The following PCDH15 variants were observed in gnomAD, a reference collection of about 807,000 sequenced individuals.
PCDH15 encodes the protein protocadherin-15.
PCDH15 carries 129 observed loss-of-function variants against 178.5 expected under a neutral mutation model. That is an observed-to-expected ratio of 0.72 (90% CI 0.63 to 0.84). The LOEUF (loss-of-function observed/expected upper bound fraction) is 0.84. Ranked by LOEUF, PCDH15 falls within the 40% of genes least tolerant of loss-of-function variation. The pLI is 0.00. For synonymous variants in PCDH15, 800 were observed against 732.0 expected, an observed-to-expected ratio of 1.09 and a Z score of -1.50; for missense variants, 2,230 against 2,099.9, an observed-to-expected ratio of 1.06 and a Z score of -1.21.
intron 28 of PCDH15, among the ~76,000 whole-genome samples, chr10:53,846,971 T>C (rs2078016962): frequency 6.6e-6 from 1 of 152,036 alleles, no homozygotes; most frequent in Non-Finnish European, 1.5e-5. Context: ...GTTTGCCTCC[T>C]AAGAGGCAGT....
At chr10:55,578,141 A>G (rs1217569461) in intron 2 of PCDH15, among the ~76,000 whole-genome samples, 1 of 152,108 alleles carries the variant, frequency 6.6e-6, no homozygotes, top group African/African-American at 2.4e-5. Context: ...TCTTTGTCTA[A>G]TTAAGCCAGG....
intron 3 of PCDH15, among the ~76,000 whole-genome samples, chr10:54,868,147 A>G (rs761032546): frequency 2.6e-5 from 4 of 152,196 alleles, no homozygotes; most frequent in Non-Finnish European, 5.9e-5. Context: ...AGCAAATATT[A>G]ATAAAGTGAA....
chr10:54,993,828 A>C (rs1350921942), intron 2 of PCDH15, among the ~76,000 whole-genome samples: 1 of 152,200 alleles, frequency 6.6e-6, no homozygotes, highest in Non-Finnish European at 1.5e-5. Context: ...TGAATAAAAT[A>C]AATTTTACTT....
Position 54,329,721 on chromosome 10 carries a change from G to C in PCDH15, c.595-15C>G, listed in dbSNP as rs752258142. The C allele has an allele frequency of 2.1e-6, 3 of 1,423,262 alleles. No homozygotes were observed. The highest frequency in any genetic ancestry group is 3.0e-6 in the Non-Finnish European group (3 of 1,006,570). 88.2% of individuals were successfully genotyped at this position (1,423,262 alleles called of 1,614,324 possible). Reference sequence around the variant, plus strand: ...TCATTGGATGTCTGCAAATATTAAAGATACAGACTTCAGATTATTTGAATG... The same window carrying C: ...TCATTGGATGTCTGCAAATATTAAACATACAGACTTCAGATTATTTGAATG... On this transcript the variant is annotated splice_polypyrimidine_tract_variant and intron_variant, in intron 6 of 37. Coordinates refer to ENST00000644397, the MANE Select transcript of PCDH15 (RefSeq NM_001384140.1).
At chr10:54,186,814 T>C (rs986277420) in intron 11 of PCDH15, among the ~76,000 whole-genome samples, 5 of 152,104 alleles carry the variant, frequency 3.3e-5, no homozygotes, top group African/African-American at 9.6e-5. Context: ...TTCTAAAAAA[T>C]CTAACATGTT....
At chr10:54,783,696 A>G (rs2133441515) in intron 1 of PCDH15, among the ~76,000 whole-genome samples, 1 of 152,264 alleles carries the variant, frequency 6.6e-6, no homozygotes, top group African/African-American at 2.4e-5. Flanking sequence ...TTATAGTAAA[A>G]CTATCAAAAG....
At chr10:55,417,862 A>G (rs1424541607) in intron 2 of PCDH15, among the ~76,000 whole-genome samples, 2 of 151,602 alleles carry the variant, frequency 1.3e-5, no homozygotes, top group Non-Finnish European at 3.0e-5. Context: ...TCATGTTTAA[A>G]TGCATCTTAT....
intron 2 of PCDH15, among the ~76,000 whole-genome samples, chr10:55,548,210 G>GCA (rs200097115): frequency 0.017 from 2,109 of 121,230 alleles, 15 homozygotes; most frequent in Middle Eastern, 0.027. Context: ...AATGCCTAAT[G>GCA]CACACACACA....
At chr10:55,243,075 T>C (rs1244543091) in intron 1 of PCDH15, among the ~76,000 whole-genome samples, 1 of 152,084 alleles carries the variant, frequency 6.6e-6, no homozygotes, top group African/African-American at 2.4e-5. Flanking sequence ...CTTTCATTTA[T>C]GATAGGAAAT....
At chr10:54,697,662 G>A (rs868290404) in intron 1 of PCDH15, among the ~76,000 whole-genome samples, 1 of 8,140 alleles carries the variant, frequency 1.2e-4, no homozygotes, top group African/African-American at 2.8e-4. Context: ...GGAAGGAAGG[G>A]GAAGGGGGAA....
chr10:54,815,051 T>A (rs1438970269), intron 3 of PCDH15, among the ~76,000 whole-genome samples: 1 of 152,132 alleles, frequency 6.6e-6, no homozygotes, highest in Non-Finnish European at 1.5e-5. Flanking sequence ...CACCTTTATT[T>A]TAACGTACCT....
At chr10:55,509,604 T>C (rs1353813177) in intron 2 of PCDH15, among the ~76,000 whole-genome samples, 1 of 151,938 alleles carries the variant, frequency 6.6e-6, no homozygotes, top group East Asian at 1.9e-4. Flanking sequence ...TTGTACCAAT[T>C]GAGAACAATT....
intron 1 of PCDH15, among the ~76,000 whole-genome samples, chr10:55,272,468 G>A (rs990010633): frequency 6.6e-6 from 1 of 151,248 alleles, no homozygotes; most frequent in African/African-American, 2.4e-5. Flanking sequence ...GCAGTGACGC[G>A]ATCTCGGCTC....
chr10:54,394,166 G>A (rs1157441810), intron 3 of PCDH15, among the ~76,000 whole-genome samples: 1 of 152,012 alleles, frequency 6.6e-6, no homozygotes, highest in Non-Finnish European at 1.5e-5. Context: ...GGCTGATGAT[G>A]AGATAGATAT....
At chr10:54,037,447 A>G (rs895181195) in intron 18 of PCDH15, among the ~76,000 whole-genome samples, 2 of 151,944 alleles carry the variant, frequency 1.3e-5, no homozygotes, top group African/African-American at 4.8e-5. Flanking sequence ...AAGACCCTCT[A>G]TCTGTATAAA....
intron 5 of PCDH15, among the ~76,000 whole-genome samples, chr10:54,363,206 TCATAA>T (rs1294323497): frequency 6.6e-6 from 1 of 152,132 alleles, no homozygotes; most frequent in African/African-American, 2.4e-5. Flanking sequence ...GGGGTAGATA[TCATAA>T]CAAAAAGCAA....
chr10:55,527,696 G>C (rs974605473), intron 2 of PCDH15, among the ~76,000 whole-genome samples: 10 of 151,636 alleles, frequency 6.6e-5, no homozygotes, highest in Non-Finnish European at 1.3e-4. Flanking sequence ...AAAAGAGAAA[G>C]AATAAAAACA....
At chr10:53,861,751 T>C (rs2079119600) in intron 27 of PCDH15, among the ~76,000 whole-genome samples, 1 of 152,172 alleles carries the variant, frequency 6.6e-6, no homozygotes, top group African/African-American at 2.4e-5. Flanking sequence ...TTTATACTTA[T>C]AGTACATCTC....
chr10:54,383,727 A>G (rs939706673), intron 3 of PCDH15, among the ~76,000 whole-genome samples: 1 of 151,944 alleles, frequency 6.6e-6, no homozygotes, highest in African/African-American at 2.4e-5. Context: ...TCAACCAAAA[A>G]AAAAAAGAAG....
Sources: allele counts gnomAD v4.1 joint callset (sites outside exome capture counted in the v4.1 genomes callset), GRCh38; gene constraint gnomAD v4.1.1; transcripts MANE v1.5; gene names NCBI Gene and HGNC (gene_info 2026-07-23, HGNC 2026-07-21).